CSMD3: variants seen among roughly 807,000 people sequenced by gnomAD.
The protein encoded by CSMD3 is CUB and Sushi multiple domains 3.
In CSMD3, 177 loss-of-function variants were observed where a neutral mutation model predicts 435.2. That is an observed-to-expected ratio of 0.41 (90% CI 0.36 to 0.46). The LOEUF (loss-of-function observed/expected upper bound fraction) is 0.46. Ranked by LOEUF, CSMD3 falls within the 20% of genes least tolerant of loss-of-function variation. The pLI is 0.34. For synonymous variants in CSMD3, 1,656 were observed against 1,520.5 expected (o/e 1.09, Z -2.07); for missense variants, 4,265 against 4,504.6 (o/e 0.95, Z 1.52).
chr8:113,314,626 ATTC>A lies in CSMD3; in HGVS notation c.343_345del (p.Glu115del), dbSNP rs776025216. On this transcript the variant is annotated inframe_deletion, in exon 2 of 71. Coordinates refer to ENST00000297405, the MANE Select transcript of CSMD3 (RefSeq NM_198123.2). ...CCATCATATAATGATAAGTAGTCGT[ATTC>A]TTCTTCTAGAGCAAATGACTGAAAA... 2 of 1,610,858 alleles carry A rather than the reference ATTC, an allele frequency of 1.2e-6. No homozygotes were observed. The highest frequency in any genetic ancestry group is 1.7e-6 in the Non-Finnish European group (2 of 1,177,262).
intron 63 of CSMD3, among the ~76,000 whole-genome samples, chr8:112,247,382 T>A (rs1164446389): frequency 4.6e-5 from 7 of 152,134 alleles, no homozygotes; most frequent in Admixed American, 3.3e-4. Flanking sequence ...ACCAAGCTTT[T>A]TTGCCATGGG....
chr8:112,689,775 A>G (rs528050273), intron 14 of CSMD3, 93 bp downstream of exon 14: 4 of 1,067,510 alleles, frequency 3.7e-6, no homozygotes, highest in Non-Finnish European at 4.3e-6. Context: ...AAATAATTAC[A>G]CGGTTGCAGC....
At chr8:112,904,511 A>G (rs945506143) in intron 10 of CSMD3, among the ~76,000 whole-genome samples, 1 of 151,448 alleles carries the variant, frequency 6.6e-6, no homozygotes, top group Admixed American at 6.6e-5. Context: ...ATATGAGGCT[A>G]CCATGCTTAC....
intron 3 of CSMD3, among the ~76,000 whole-genome samples, chr8:113,256,027 A>AT (rs1300699115): frequency 6.6e-6 from 1 of 152,100 alleles, no homozygotes; most frequent in East Asian, 1.9e-4. Context: ...AAGTACATAT[A>AT]TCAGAAGATG....
intron 1 of CSMD3, among the ~76,000 whole-genome samples, chr8:113,370,823 T>C (rs1353431813): frequency 6.6e-6 from 1 of 152,046 alleles, no homozygotes; most frequent in African/African-American, 2.4e-5. Context: ...AGTTTATATT[T>C]TGCCTGTTAA....
intron 38 of CSMD3, among the ~76,000 whole-genome samples, chr8:112,360,588 T>C (rs1216772981): frequency 6.6e-6 from 1 of 151,956 alleles, no homozygotes; most frequent in Non-Finnish European, 1.5e-5. Flanking sequence ...ATAAGATTAC[T>C]GGTGATTTGT....
chr8:112,452,876 A>G (rs922004824), intron 32 of CSMD3, among the ~76,000 whole-genome samples: 1 of 152,206 alleles, frequency 6.6e-6, no homozygotes, highest in Non-Finnish European at 1.5e-5. Context: ...ACTCTGATCT[A>G]TGAAATACAC....
intron 13 of CSMD3, among the ~76,000 whole-genome samples, chr8:112,714,431 T>C (rs942307526): frequency 2.6e-5 from 4 of 152,028 alleles, no homozygotes; most frequent in Non-Finnish European, 5.9e-5. Context: ...TAAAACAAGT[T>C]CTTAGAGACC....
chr8:112,343,459 T>G (rs1438055084), intron 41 of CSMD3, among the ~76,000 whole-genome samples: 1 of 152,076 alleles, frequency 6.6e-6, no homozygotes, highest in Non-Finnish European at 1.5e-5. Context: ...AGCAACCTTC[T>G]CTCAATAACG....
At chr8:112,696,355 T>A (rs558874162) in intron 13 of CSMD3, among the ~76,000 whole-genome samples, 12 of 152,278 alleles carry the variant, frequency 7.9e-5, no homozygotes, top group African/African-American at 2.9e-4. Context: ...CAAAACAGCA[T>A]GGTACTGGTA....
intron 4 of CSMD3, among the ~76,000 whole-genome samples, chr8:113,149,765 C>T (rs1024895322): frequency 2.0e-5 from 3 of 151,948 alleles, no homozygotes; most frequent in African/African-American, 7.2e-5. Context: ...CATATGCTAT[C>T]CCTCAAAGGT....
At chr8:113,293,263 G>A (rs1472530161) in intron 2 of CSMD3, among the ~76,000 whole-genome samples, 1 of 149,328 alleles carries the variant, frequency 6.7e-6, no homozygotes, top group Admixed American at 6.7e-5. Flanking sequence ...CCTATTTTAC[G>A]TGCCCACTTG....
rs1826945810 is a variant in CSMD3, at chr8:112,544,200, T to C, written c.4564+6471A>G. Among the ~76,000 whole-genome samples, 6 of 152,262 alleles carry C rather than the reference T, an allele frequency of 3.9e-5. No individual in the cohort carries two copies. The South Asian group carries it at 1.2e-3, about 32-fold the overall frequency. On this transcript the variant is annotated intron_variant, in intron 27 of 70. Coordinates refer to ENST00000297405, the MANE Select transcript of CSMD3 (RefSeq NM_198123.2). ...ATGTACCCTACACCTAAAAATTTGC[T>C]TAAAAAGTAGATCTCGTGTTAATTG...
intron 6 of CSMD3, among the ~76,000 whole-genome samples, chr8:113,002,966 A>G (rs1213039428): frequency 6.6e-6 from 1 of 152,102 alleles, no homozygotes; most frequent in African/African-American, 2.4e-5. Context: ...TTGGCCAGGC[A>G]CGGTGGTTCA....
At chr8:113,026,844 T>C (rs1342278318) in intron 5 of CSMD3, among the ~76,000 whole-genome samples, 2 of 152,214 alleles carry the variant, frequency 1.3e-5, no homozygotes, top group African/African-American at 2.4e-5. Context: ...TTTTGTTTTC[T>C]GAATATGAAA....
In CSMD3 at chr8:112,627,564, C is replaced by A. The variant is rs146106240; in HGVS notation, c.3715+9253G>T. 1.4e-3 allele frequency among the ~76,000 whole-genome samples: 209 copies of A among 152,220 alleles called. 3 individuals are homozygous for A. Among genetic ancestry groups the A allele is most frequent in the African/African-American group, 4.8e-3 (201 of 41,536 alleles). ...TCCCCAAACCTATCTTTGAACTTAC[C>A]AATTAGCAGTCAAATTTTGGCTTGT... On this transcript the variant is annotated intron_variant, in intron 22 of 70. Transcript: ENST00000297405.
chr8:113,401,438 G>A (rs1015040504), intron 1 of CSMD3, among the ~76,000 whole-genome samples: 5 of 151,484 alleles, frequency 3.3e-5, no homozygotes, highest in East Asian at 1.9e-4. Flanking sequence ...TAGGTAAAGG[G>A]CATTTAAATT....
intron 5 of CSMD3, among the ~76,000 whole-genome samples, chr8:113,062,138 G>A (rs2131368956): frequency 6.6e-6 from 1 of 151,652 alleles, no homozygotes; most frequent in Non-Finnish European, 1.5e-5. Flanking sequence ...ACCTAATTCA[G>A]GCAAATTTTT....
intron 33 of CSMD3, 123 bp from the exon 34 acceptor site, chr8:112,408,536 A>G: frequency 1.3e-6 from 1 of 745,340 alleles, no homozygotes; most frequent in Non-Finnish European, 2.4e-6. Context: ...AAATTACTTT[A>G]AAATATCCTA....
Sources: gnomAD v4.1 joint callset for allele counts (sites outside exome capture counted in the v4.1 genomes callset) on GRCh38, gnomAD v4.1.1 for gene constraint, MANE v1.5 for transcripts, NCBI Gene and HGNC (gene_info 2026-07-23, HGNC 2026-07-21) for gene names.